Variants in LAMP1 observed in about 807,000 individuals in gnomAD.
LAMP1 encodes the protein lysosome-associated membrane glycoprotein 1.
A neutral mutation model predicts 37.5 loss-of-function variants in LAMP1; 7 were observed. The ratio of observed to expected loss-of-function variants is 0.19; its 90% CI spans 0.11 to 0.35. The LOEUF (loss-of-function observed/expected upper bound fraction) is 0.35, where lower values mean the gene tolerates loss of function less well. Ranked by LOEUF, LAMP1 falls within the 10% of genes least tolerant of loss-of-function variation. The pLI is 1.00. For synonymous variants in LAMP1, 236 were observed against 229.1 expected, an observed-to-expected ratio of 1.03 and a Z score of -0.27; for missense variants, 537 against 552.8, an observed-to-expected ratio of 0.97 and a Z score of 0.29.
chr13:113,309,902 T>C (rs1409254324), intron 3 of LAMP1, 40 bp downstream of exon 3: 1 of 1,529,742 alleles, frequency 6.5e-7, no homozygotes, highest in South Asian at 1.1e-5. Context: ...TGATAGAAAA[T>C]TGGGTTGGAG....
chr13:113,297,432 G>T lies in LAMP1; in HGVS notation c.-3G>T. The T allele has an allele frequency of 3.1e-6, 3 of 979,296 alleles. No individual in the cohort carries two copies. The highest frequency in any genetic ancestry group is 4.0e-6 in the Non-Finnish European group (3 of 752,558). The allele number at this position is 979,296 out of a possible 1,614,324, so 60.7% of individuals were successfully genotyped here. A position where few individuals can be genotyped will look rare whatever the true frequency, so the allele number is the denominator to read the frequency against. ...CCCGCACCGTACCCGGCCGCCTCGC[G>T]CCATGGCGGCCCCCGGCAGCGCCCG... On this transcript the variant is annotated 5_prime_UTR_variant, in exon 1 of 9. Transcript: ENST00000332556. The surrounding 1 kb of genome is among the most constrained non-coding windows in gnomAD (Gnocchi z 4.4).
At chr13:113,300,602 C>T (rs568764709) in intron 1 of LAMP1, among the ~76,000 whole-genome samples, 35 of 151,784 alleles carry the variant, frequency 2.3e-4, no homozygotes, top group Admixed American at 1.3e-4. Context: ...GTCAAGAGAT[C>T]GAGACCATCC....
intron 4 of LAMP1, among the ~76,000 whole-genome samples, chr13:113,318,704 T>C (rs946118403): frequency 4.6e-5 from 7 of 151,978 alleles, no homozygotes; most frequent in Non-Finnish European, 7.4e-5. Flanking sequence ...CCCCACGGAT[T>C]CCCTGAACTG....
intron 4 of LAMP1, among the ~76,000 whole-genome samples, chr13:113,318,416 G>A (rs1478371964): frequency 6.6e-6 from 1 of 152,204 alleles, no homozygotes; most frequent in Admixed American, 6.5e-5. Flanking sequence ...GCCTAGCAGA[G>A]ATGTGGAAAG....
chr13:113,314,197 C>T (rs1436779572), intron 4 of LAMP1, among the ~76,000 whole-genome samples: 3 of 105,984 alleles, frequency 2.8e-5, no homozygotes, highest in South Asian at 3.1e-4. Flanking sequence ...TGTGGAGATG[C>T]CCGTGTGCCT....
chr13:113,307,796 T>A (rs9577502), intron 2 of LAMP1, among the ~76,000 whole-genome samples: 77,571 of 141,554 alleles, frequency 0.55, 22,260 homozygotes, highest in South Asian at 0.78. Context: ...ATCTCTTTTT[T>A]AAAAAAAAAA....
In LAMP1 at chr13:113,320,426, C is replaced by G; in HGVS notation, c.832C>G (p.Leu278Val). The G allele has an allele frequency of 6.2e-7, 1 of 1,611,850 alleles. No individual in the cohort carries two copies. Among genetic ancestry groups the G allele is most frequent in the Non-Finnish European group, 8.5e-7 (1 of 1,179,990 alleles). ...CGGCGCCCACCTGGTGACTCTGGAG[C>G]TGCACAGCGAGGGCACCACCGTCCT... ...SCGAHLVTLELHSEGTTVLLF... is the reference protein window; with the variant it reads ...SCGAHLVTLEVHSEGTTVLLF... The change falls in exon 6 of 9, where the codon CTG becomes GTG. Residue 278 changes from leucine (L) to valine (V), a missense_variant. Physicochemically the swap from Leu to Val is conservative, Grantham distance 32. Coordinates refer to ENST00000332556, the MANE Select transcript of LAMP1 (RefSeq NM_005561.4). The surrounding 1 kb of genome is among the most constrained non-coding windows in gnomAD (Gnocchi z 4.4).
intron 4 of LAMP1, among the ~76,000 whole-genome samples, chr13:113,314,316 C>T (rs1385617458): frequency 8.2e-6 from 1 of 122,602 alleles, no homozygotes; most frequent in Non-Finnish European, 1.7e-5. Context: ...GGCGTGGCCT[C>T]CTGGAGGGAG....
rs2042708883 is a variant in LAMP1, at chr13:113,322,577, A to AGT, written c.*157_*158dup. 1.7e-6 allele frequency: 1 copy of AGT among 585,790 alleles called. No homozygotes were observed. Among genetic ancestry groups the AGT allele is most frequent in the Non-Finnish European group, 2.8e-6 (1 of 360,874 alleles). 36.3% of individuals were successfully genotyped at this position (585,790 alleles called of 1,614,324 possible). ...TTGCAGCATTTACTATGCACAACAG[A>AGT]GTAACTATCGAAATGACGGTGTTAA... On this transcript the variant is annotated 3_prime_UTR_variant, in exon 9 of 9. Transcript: ENST00000332556.
chr13:113,319,423 G>A (rs767485275), intron 4 of LAMP1, 46 bp from the exon 5 acceptor site: 1 of 1,516,226 alleles, frequency 6.6e-7, no homozygotes, highest in Non-Finnish European at 9.0e-7. Flanking sequence ...AACTGCTGAT[G>A]GTTATGAGAA....
chr13:113,303,451 A>T (rs2042583923), intron 1 of LAMP1, among the ~76,000 whole-genome samples: 1 of 152,032 alleles, frequency 6.6e-6, no homozygotes, highest in Admixed American at 6.6e-5. Flanking sequence ...GATGCTGCCA[A>T]CGGCTGTCCT....
chr13:113,321,411 G>T lies in LAMP1; in HGVS notation c.884G>T (p.Ser295Ile). The T allele has an allele frequency of 6.2e-7, 1 of 1,613,646 alleles. No individual in the cohort carries two copies. The highest frequency in any genetic ancestry group is 8.5e-7 in the Non-Finnish European group (1 of 1,179,568). The part of the protein sequence containing the change: ...VLLFQFGMNA[S>I]SSRFFLQGIQ... ...ATCATTTTTCTTTTTAAGAATGCAAGTTCTAGCCGGTTTTTCCTACAAGGA... is the reference window on the plus strand; with the variant it reads ...ATCATTTTTCTTTTTAAGAATGCAATTTCTAGCCGGTTTTTCCTACAAGGA... Residue 295 changes from serine (S) to isoleucine (I), a missense_variant, in exon 7 of 9, where the codon AGT (serine) becomes ATT (isoleucine). Transcript: ENST00000332556. This position sits in a 1 kb window ranked among gnomAD's most constrained non-coding sequence, Gnocchi z 5.6.
chr13:113,310,678 G>C, intron 3 of LAMP1, 31 bp from the exon 4 acceptor site: 1 of 1,447,188 alleles, frequency 6.9e-7, no homozygotes, highest in Non-Finnish European at 9.4e-7. Flanking sequence ...CAAGTAGTTT[G>C]CAATTGTGAT....
At chr13:113,303,172 A>G (rs2042582556) in intron 1 of LAMP1, among the ~76,000 whole-genome samples, 1 of 152,198 alleles carries the variant, frequency 6.6e-6, no homozygotes, top group South Asian at 2.1e-4. Flanking sequence ...TCGTGGGTGC[A>G]GAGACTGGGG....
At chr13:113,319,773 CT>C in intron 5 of LAMP1, 117 bp downstream of exon 5, 1 of 1,003,158 alleles carries the variant, frequency 1.0e-6, no homozygotes, top group Non-Finnish European at 1.5e-6. Flanking sequence ...AGGATGGGAG[CT>C]TAGCTTGCAG....
intron 2 of LAMP1, among the ~76,000 whole-genome samples, chr13:113,307,128 C>T (rs1270666394): frequency 4.0e-5 from 6 of 149,972 alleles, no homozygotes; most frequent in Non-Finnish European, 7.4e-5. Flanking sequence ...TGTGAGCCAC[C>T]GCGCCCAGCC....
intron 4 of LAMP1, among the ~76,000 whole-genome samples, chr13:113,312,701 C>T (rs1042803126): frequency 2.6e-5 from 4 of 152,222 alleles, no homozygotes; most frequent in African/African-American, 2.4e-5. Context: ...TCTGTTCACA[C>T]GGAGCCTGGA....
Position 113,321,894 on chromosome 13 carries a change from T to C in LAMP1, c.1114+167T>C. ...ATTCTAGAGGTAACTCCCCCTGCTTTAGAGAGGCCCAGCGTGTCTCTCAGC... is the reference window on the plus strand; with the variant it reads ...ATTCTAGAGGTAACTCCCCCTGCTTCAGAGAGGCCCAGCGTGTCTCTCAGC... On this transcript the variant is annotated intron_variant, in intron 8 of 8. Transcript: ENST00000332556. The surrounding 1 kb of genome is among the most constrained non-coding windows in gnomAD (Gnocchi z 5.6). 1 of 667,932 alleles carries C rather than the reference T, an allele frequency of 1.5e-6. No homozygotes were observed. Among genetic ancestry groups the C allele is most frequent in the Non-Finnish European group, 2.5e-6 (1 of 397,188 alleles). 41.4% of individuals were successfully genotyped at this position (667,932 alleles called of 1,614,324 possible).
At position 113,310,690 on chromosome 13, in the gene LAMP1, T is replaced by G; in HGVS notation, c.404-19T>G. The G allele has an allele frequency of 1.3e-6, 2 of 1,514,170 alleles. No individual in the cohort carries two copies. The highest frequency in any genetic ancestry group is 1.8e-6 in the Non-Finnish European group (2 of 1,131,364). 93.8% of individuals were successfully genotyped at this position (1,514,170 alleles called of 1,614,324 possible). A position where few individuals can be genotyped will look rare whatever the true frequency, so the allele number is the denominator to read the frequency against. On this transcript the variant is annotated intron_variant, in intron 3 of 8. Coordinates refer to ENST00000332556, the MANE Select transcript of LAMP1 (RefSeq NM_005561.4). ...CTGCAAGTAGTTTGCAATTGTGATTTTTTTTTTTTTTAATCTAGAAATCAA... is the reference window on the plus strand; with the variant it reads ...CTGCAAGTAGTTTGCAATTGTGATTGTTTTTTTTTTTAATCTAGAAATCAA...
Sources: allele counts gnomAD v4.1 joint callset (sites outside exome capture counted in the v4.1 genomes callset), GRCh38; gene constraint gnomAD v4.1.1; non-coding constraint Gnocchi (gnomAD v3.1); transcripts MANE v1.5; gene names NCBI Gene and HGNC (gene_info 2026-07-23, HGNC 2026-07-21).